RAB5B: variants seen among roughly 807,000 people sequenced by gnomAD.
RAB5B encodes RAB5B, member RAS oncogene family.
Under a neutral mutation model 28.6 loss-of-function variants are expected in RAB5B, and 11 were observed. The ratio of observed to expected loss-of-function variants is 0.38; its 90% CI spans 0.24 to 0.64. The LOEUF is 0.64. Ranked by LOEUF, RAB5B falls within the 30% of genes least tolerant of loss-of-function variation. The pLI is 0.53. For missense variants in RAB5B, 169 were observed against 265.6 expected, an observed-to-expected ratio of 0.64 and a Z score of 2.53; for synonymous variants, 93 against 97.9, an observed-to-expected ratio of 0.95 and a Z score of 0.29.
chr12:55,985,451 GA>G (rs1380878157), intron 1 of RAB5B: 1 of 245,252 alleles, frequency 4.1e-6, no homozygotes, highest in Non-Finnish European at 8.3e-6. Flanking sequence ...AGGTTTGGGA[GA>G]GAGGTTTTTG....
rs372992778 is a variant in RAB5B at position 55,992,091 on chromosome 12, C to G, written c.533-6C>G. On this transcript the variant is annotated splice_polypyrimidine_tract_variant and splice_region_variant and intron_variant, in intron 5 of 5. Coordinates refer to ENST00000360299, the MANE Select transcript of RAB5B (RefSeq NM_002868.4). ...ATACTTTGTTCTCTTCTCTTTTTATCTCTAGCTAAGAAGTTGCCAAAGAGT... is the reference window on the plus strand; with the variant it reads ...ATACTTTGTTCTCTTCTCTTTTTATGTCTAGCTAAGAAGTTGCCAAAGAGT... 120 of 1,611,188 alleles carry G rather than the reference C, an allele frequency of 7.4e-5. No homozygotes were observed. In the African/African-American group the frequency reaches 1.5e-3, roughly 20 times the overall value.
At chr12:55,983,213 G>A (rs1331395386) in intron 1 of RAB5B, among the ~76,000 whole-genome samples, 2 of 152,078 alleles carry the variant, frequency 1.3e-5, no homozygotes, top group African/African-American at 4.8e-5. Context: ...CAAGTAGCTG[G>A]GACTACAGGC....
chr12:55,992,894 TG>T lies in RAB5B; in HGVS notation c.*685del. ...GGCAGGAGGTGCCTTGTAAGCTAAC[TG>T]GGCGGAGGTGGAGGTGCAGTGTCAA... is the stretch of plus-strand genomic sequence containing the variant. On this transcript the variant is annotated 3_prime_UTR_variant, in exon 6 of 6. Transcript: ENST00000360299. 1 of 246,496 alleles carries T rather than the reference TG, an allele frequency of 4.1e-6. No homozygotes were observed. Among genetic ancestry groups the T allele is most frequent in the Non-Finnish European group, 7.8e-6 (1 of 127,564 alleles). The allele number at this position is 246,496 out of a possible 1,614,324, so 15.3% of individuals were successfully genotyped here.
chr12:55,979,954 TTTTA>T (rs900991168), intron 1 of RAB5B, among the ~76,000 whole-genome samples: 20 of 152,290 alleles, frequency 1.3e-4, no homozygotes, highest in Middle Eastern at 3.4e-3. Context: ...TTATTTTATT[TTTTA>T]TTTATTTATT....
At chr12:55,980,545 A>G (rs1273544782) in intron 1 of RAB5B, 7 of 1,590,788 alleles carry the variant, frequency 4.4e-6, no homozygotes, top group African/African-American at 4.0e-5. Context: ...GGGCCAGGGA[A>G]CTAAAAGCCT....
rs1206547914 is a variant in RAB5B at position 55,991,449 on chromosome 12, A to T, written c.528A>T (p.Ala176=). 6.2e-7 allele frequency: 1 copy of T among 1,612,514 alleles called. No homozygotes were observed. The highest frequency in any genetic ancestry group is 1.3e-5 in the African/African-American group (1 of 74,998). ...TGAACGTGAATGATCTCTTCCTGGC[A>T]ATAGGTAAGGTCAGAACATCCTGAG... The part of the protein sequence containing the change: ...TAMNVNDLFL[A]IAKKLPKSEP... Residue 176 remains alanine (A), a synonymous_variant, in exon 5 of 6, where the codon GCA becomes GCT. Coordinates refer to ENST00000360299, the MANE Select transcript of RAB5B (RefSeq NM_002868.4).
At position 55,993,462 on chromosome 12, in the gene RAB5B, C is replaced by T. The variant is rs1304843658; in HGVS notation, c.*1250C>T. 2.6e-5 allele frequency: 4 copies of T among 152,596 alleles called. No homozygotes were observed. Among genetic ancestry groups the T allele is most frequent in the Admixed American group, 2.6e-4 (4 of 15,264 alleles). The allele number at this position is 152,596 out of a possible 1,614,324, so 9.5% of individuals were successfully genotyped here. ...GCAATTGAGGAGTGTCTCAGGATAG[C>T]ACAGGCCAAGGTAGGGGAGTAAAAA... On this transcript the variant is annotated 3_prime_UTR_variant, in exon 6 of 6. Coordinates refer to ENST00000360299, the MANE Select transcript of RAB5B (RefSeq NM_002868.4).
chr12:55,978,549 C>G (rs1386376009), intron 1 of RAB5B, among the ~76,000 whole-genome samples: 6 of 151,822 alleles, frequency 4.0e-5, no homozygotes, highest in Non-Finnish European at 8.8e-5. Flanking sequence ...AAGATCTGTC[C>G]AGATGGTACA....
At chr12:55,983,732 A>G (rs1889873770) in intron 1 of RAB5B, among the ~76,000 whole-genome samples, 1 of 139,906 alleles carries the variant, frequency 7.1e-6, no homozygotes, top group South Asian at 2.2e-4. Context: ...TAATCAGCTC[A>G]CTACAACCTT....
At chr12:55,977,887 T>G (rs535631032) in intron 1 of RAB5B, among the ~76,000 whole-genome samples, 15 of 152,276 alleles carry the variant, frequency 9.9e-5, no homozygotes, top group Non-Finnish European at 2.2e-4. Flanking sequence ...GGTTCTGTGG[T>G]GTTATGGCTC....
At chr12:55,990,652 A>T in intron 3 of RAB5B, 30 bp from the exon 4 acceptor site, 1 of 1,612,034 alleles carries the variant, frequency 6.2e-7, no homozygotes, top group Non-Finnish European at 8.5e-7. Context: ...CAGTCATTCC[A>T]GCCTACTCAT....
At chr12:55,992,069 C>A (rs1331786732) in intron 5 of RAB5B, 28 bp from the exon 6 acceptor site, 1 of 1,587,222 alleles carries the variant, frequency 6.3e-7, no homozygotes, top group Non-Finnish European at 8.6e-7. Flanking sequence ...GTCTACCATA[C>A]TTTGTTCTCT....
intron 2 of RAB5B, among the ~76,000 whole-genome samples, chr12:55,987,703 C>T (rs1346529446): frequency 5.3e-5 from 8 of 150,662 alleles, no homozygotes; most frequent in South Asian, 2.1e-4. Context: ...TGGTGGCAGG[C>T]GCCTGTAATC....
chr12:55,990,189 C>CA (rs749317171), intron 3 of RAB5B, 91 bp downstream of exon 3: 115 of 1,374,148 alleles, frequency 8.4e-5, no homozygotes, highest in Admixed American at 2.0e-4. Flanking sequence ...GCGGGAGGAT[C>CA]ATGAGGTCAA....
At position 55,981,018 on chromosome 12, in the gene RAB5B, C is replaced by G. The variant is rs1403249783; in HGVS notation, c.-92-5851C>G. The G allele has an allele frequency of 4.7e-5, 76 of 1,613,840 alleles. 1 individual carries two copies. In the South Asian group the frequency reaches 7.5e-4, roughly 16 times the overall value. On this transcript the variant is annotated intron_variant, in intron 1 of 5. Transcript: ENST00000360299. ...ATCAGCAGCAACTTGAAGAGGTGGT[C>G]GTAGGCTTTGGCCATGGCGGACACC...
In RAB5B at chr12:55,990,686, C is replaced by T; in HGVS notation, c.320C>T (p.Thr107Ile). ...IVVYDITNQE[T>I]FARAKTWVKE... ...ATTCTCTTCATGTTTTCCTAGGAAA[C>T]CTTTGCCCGAGCAAAGACATGGGTG... Residue 107 changes from threonine (T) to isoleucine (I), a missense_variant, in exon 4 of 6, where the codon ACC (threonine) becomes ATC (isoleucine). Transcript: ENST00000360299. The T allele has an allele frequency of 6.2e-7, 1 of 1,613,626 alleles. No individual in the cohort carries two copies. Among genetic ancestry groups the T allele is most frequent in the Non-Finnish European group, 8.5e-7 (1 of 1,179,712 alleles).
chr12:55,976,376 A>C (rs1258274024), intron 1 of RAB5B, among the ~76,000 whole-genome samples: 1 of 152,122 alleles, frequency 6.6e-6, no homozygotes, highest in Non-Finnish European at 1.5e-5. Context: ...AGAGGGCTGT[A>C]CTGTGTGTTA....
chr12:55,992,512 T>C lies in RAB5B; in HGVS notation c.*300T>C, dbSNP rs1158085274. The stretch of plus-strand genomic sequence containing the variant: ...TATAGGTACAAGACAGCGACTTACG[T>C]ATCTTTTCTCCTCCTCCCTAGTGTT... On this transcript the variant is annotated 3_prime_UTR_variant, in exon 6 of 6. Transcript: ENST00000360299. 1.8e-6 allele frequency: 1 copy of C among 545,216 alleles called. No homozygotes were observed. The highest frequency in any genetic ancestry group is 1.9e-5 in the African/African-American group (1 of 53,296). The allele number at this position is 545,216 out of a possible 1,614,324, so 33.8% of individuals were successfully genotyped here.
At position 55,995,680 on chromosome 12, in the gene RAB5B, C is replaced by T. The variant is rs143859506; in HGVS notation, c.*3468C>T. On this transcript the variant is annotated 3_prime_UTR_variant, in exon 6 of 6. Transcript: ENST00000360299. ...ACTGGTGCCAGACAAATCTGACATTCTAGGCCTGTCTCTGTCAACTTAACC... is the reference window on the plus strand; with the variant it reads ...ACTGGTGCCAGACAAATCTGACATTTTAGGCCTGTCTCTGTCAACTTAACC... 1 of 152,150 alleles carries T rather than the reference C, an allele frequency of 6.6e-6. No individual in the cohort carries two copies. The highest frequency in any genetic ancestry group is 1.5e-5 in the Non-Finnish European group (1 of 68,022). The allele number at this position is 152,150 out of a possible 1,614,324, so 9.4% of individuals were successfully genotyped here. A position where few individuals can be genotyped will look rare whatever the true frequency, so the allele number is the denominator to read the frequency against.
Sources: allele counts gnomAD v4.1 joint callset (sites outside exome capture counted in the v4.1 genomes callset), GRCh38; gene constraint gnomAD v4.1.1; transcripts MANE v1.5; gene names NCBI Gene and HGNC (gene_info 2026-07-23, HGNC 2026-07-21).